CRPPA: variants seen among roughly 807,000 people sequenced by gnomAD.
CRPPA encodes D-ribitol-5-phosphate cytidylyltransferase.
Under a neutral mutation model 52.0 loss-of-function variants are expected in CRPPA, and 43 were observed. That is an observed-to-expected ratio of 0.83 (90% CI 0.65 to 1.07). The LOEUF (loss-of-function observed/expected upper bound fraction) is 1.07, where lower values mean the gene tolerates loss of function less well. CRPPA is among the 50% of genes least tolerant of loss of function. The pLI, the probability that CRPPA is intolerant of heterozygous loss-of-function variation, is 0.00. For missense variants in CRPPA, 629 were observed against 551.7 expected (o/e 1.14, Z -1.40); for synonymous variants, 250 against 203.5 (o/e 1.23, Z -1.94).
At position 16,285,772 on chromosome 7, in the gene CRPPA, C is replaced by T. The variant is rs908871556; in HGVS notation, c.836-7546G>A. On this transcript the variant is annotated intron_variant, in intron 5 of 9. Transcript: ENST00000407010. ...GCGCGGTAGCTCACGACTGTAATCC[C>T]AGCACTTTGGGAAGCTGAGGTAGGT... Among the ~76,000 whole-genome samples, 10 of 151,200 alleles carry T rather than the reference C, an allele frequency of 6.6e-5. No individual in the cohort carries two copies. The Admixed American group carries it at 6.6e-4, about 10-fold the overall frequency.
chr7:16,324,812 T>G (rs1324972876), intron 3 of CRPPA, among the ~76,000 whole-genome samples: 1 of 152,224 alleles, frequency 6.6e-6, no homozygotes, highest in Non-Finnish European at 1.5e-5. Context: ...TTGACTAAAT[T>G]TATCCACTTT....
At chr7:16,402,995 A>G (rs1194473211) in intron 2 of CRPPA, among the ~76,000 whole-genome samples, 3 of 152,198 alleles carry the variant, frequency 2.0e-5, no homozygotes, top group African/African-American at 7.2e-5. Flanking sequence ...ACTAAACAAC[A>G]CATAGGAAAA....
At chr7:16,400,004 T>A (rs1419920878) in intron 2 of CRPPA, among the ~76,000 whole-genome samples, 1 of 150,090 alleles carries the variant, frequency 6.7e-6, no homozygotes, top group Non-Finnish European at 1.5e-5. Context: ...ATTTGACATG[T>A]GACTGACTCG....
At chr7:16,241,526 TAA>T (rs1326779863) in intron 8 of CRPPA, among the ~76,000 whole-genome samples, 1 of 152,210 alleles carries the variant, frequency 6.6e-6, no homozygotes, top group Admixed American at 6.5e-5. Flanking sequence ...CAAGTAAAAT[TAA>T]AGAGTGTGCT....
At chr7:16,168,130 G>A (rs1781105057) in intron 9 of CRPPA, among the ~76,000 whole-genome samples, 1 of 152,098 alleles carries the variant, frequency 6.6e-6, no homozygotes, top group Non-Finnish European at 1.5e-5. Context: ...GTATAAAAAT[G>A]TTTTTAAGTT....
At chr7:16,238,908 TG>T (rs1374043095) in intron 8 of CRPPA, among the ~76,000 whole-genome samples, 1 of 151,834 alleles carries the variant, frequency 6.6e-6, no homozygotes, top group African/African-American at 2.4e-5. Context: ...GAGGCCAAGG[TG>T]GGTGGATCAC....
At chr7:16,093,659 C>T (rs1422271619) in intron 9 of CRPPA, among the ~76,000 whole-genome samples, 1 of 152,138 alleles carries the variant, frequency 6.6e-6, no homozygotes, top group East Asian at 1.9e-4. Context: ...ACCTAAACCA[C>T]ATCTAAACAA....
chr7:16,168,939 G>A (rs1313357246), intron 9 of CRPPA, among the ~76,000 whole-genome samples: 1 of 152,216 alleles, frequency 6.6e-6, no homozygotes, highest in Non-Finnish European at 1.5e-5. Context: ...CCCTGAAGGG[G>A]CTTCTCAAAA....
In CRPPA at chr7:16,415,428, T is replaced by C. The variant is rs183766393; in HGVS notation, c.257+5638A>G. On this transcript the variant is annotated intron_variant, in intron 1 of 9. Coordinates refer to ENST00000407010, the MANE Select transcript of CRPPA (RefSeq NM_001101426.4). ...GCCATAGAGTACCGAACTCAAGTCA[T>C]TAGCTGTGCTAATTCTCAGCCAGAG... 2.5e-3 allele frequency among the ~76,000 whole-genome samples: 377 copies of C among 152,296 alleles called. 1 individual carries two copies. The highest frequency in any genetic ancestry group is 8.1e-3 in the African/African-American group (336 of 41,570).
chr7:16,268,889 C>G (rs1223628059), intron 6 of CRPPA: 1 of 152,248 alleles, frequency 6.6e-6, no homozygotes, highest in Non-Finnish European at 1.5e-5. Flanking sequence ...ATCACTGTTG[C>G]TAACTCCAGC....
intron 3 of CRPPA, among the ~76,000 whole-genome samples, chr7:16,366,892 C>G (rs1055191290): frequency 6.6e-6 from 1 of 151,664 alleles, no homozygotes; most frequent in African/African-American, 2.4e-5. Context: ...TGTCAATTTA[C>G]TTCCTCTGAT....
At chr7:16,301,335 TG>T in intron 5 of CRPPA, 85 bp downstream of exon 5, 1 of 1,071,174 alleles carries the variant, frequency 9.3e-7, no homozygotes, top group Non-Finnish European at 1.4e-6. Context: ...CTTTTGAGAT[TG>T]CTGGGATTTA....
At chr7:16,115,239 T>A (rs1027941293) in intron 9 of CRPPA, among the ~76,000 whole-genome samples, 1 of 152,160 alleles carries the variant, frequency 6.6e-6, no homozygotes, top group African/African-American at 2.4e-5. Context: ...ACTATCATAC[T>A]CATTAGTACT....
intron 8 of CRPPA, among the ~76,000 whole-genome samples, chr7:16,216,889 T>G (rs1782338641): frequency 6.6e-6 from 1 of 152,050 alleles, no homozygotes; most frequent in South Asian, 2.1e-4. Flanking sequence ...TGCCCAGGCT[T>G]GCTTAGGTAA....
intron 6 of CRPPA, among the ~76,000 whole-genome samples, chr7:16,272,214 C>T (rs2128416322): frequency 6.6e-6 from 1 of 152,150 alleles, no homozygotes; most frequent in South Asian, 2.1e-4. Context: ...GTAAAAAGTG[C>T]CTGTGAATGG....
intron 6 of CRPPA, among the ~76,000 whole-genome samples, chr7:16,271,196 GA>G (rs1784082080): frequency 1.3e-5 from 2 of 152,148 alleles, no homozygotes; most frequent in Non-Finnish European, 2.9e-5. Flanking sequence ...TGTTTGTTCA[GA>G]GTATAGATCA....
At chr7:16,162,007 G>C (rs1023777539) in intron 9 of CRPPA, among the ~76,000 whole-genome samples, 3 of 152,110 alleles carry the variant, frequency 2.0e-5, no homozygotes, top group African/African-American at 7.2e-5. Flanking sequence ...ATGGTAGTTT[G>C]TATTTCTATA....
At chr7:16,158,768 A>G (rs1783240143) in intron 9 of CRPPA, among the ~76,000 whole-genome samples, 1 of 152,316 alleles carries the variant, frequency 6.6e-6, no homozygotes, top group Non-Finnish European at 1.5e-5. Flanking sequence ...GCTATCAGCT[A>G]AAGACTTTTC....
chr7:16,206,458 T>C (rs1781975598), intron 9 of CRPPA, among the ~76,000 whole-genome samples: 1 of 152,136 alleles, frequency 6.6e-6, no homozygotes, highest in Non-Finnish European at 1.5e-5. Context: ...TTTAGTTTCT[T>C]GTGTTTCTGA....
Sources: allele counts gnomAD v4.1 joint callset (sites outside exome capture counted in the v4.1 genomes callset), GRCh38; gene constraint gnomAD v4.1.1; transcripts MANE v1.5; gene names NCBI Gene and HGNC (gene_info 2026-07-23, HGNC 2026-07-21).